ALK: variants seen among roughly 807,000 people sequenced by gnomAD.
ALK encodes the protein ALK tyrosine kinase receptor.
A neutral mutation model predicts 163.1 loss-of-function variants in ALK; 74 were observed. The observed-to-expected ratio is 0.45, with a 90% CI of 0.38 to 0.55. The LOEUF (loss-of-function observed/expected upper bound fraction) is 0.55. Among genes scored for constraint, ALK ranks in the 20% least tolerant of loss-of-function variants. ALK has a pLI of 0.00. For synonymous variants in ALK, 960 were observed against 843.2 expected (o/e 1.14, Z -2.40); for missense variants, 2,063 against 2,105.3 (o/e 0.98, Z 0.39).
chr2:29,197,549 C>G lies in ALK; in HGVS notation c.4066G>C (p.Gly1356Arg), dbSNP rs1669053710. The G allele has an allele frequency of 1.2e-6, 2 of 1,613,544 alleles. No homozygotes were observed. The highest frequency in any genetic ancestry group is 1.7e-6 in the Non-Finnish European group (2 of 1,180,024). Reference sequence around the variant, plus strand: ...TTCCTAAAAGAGTCATACACAGGCCCAGGGCAGTTCTTGGGTGGGTCCATC... The same window carrying G: ...TTCCTAAAAGAGTCATACACAGGCCGAGGGCAGTTCTTGGGTGGGTCCATC... Reference protein sequence around the residue: ...GRMDPPKNCPGPVYRIMTQCW... With the variant: ...GRMDPPKNCPRPVYRIMTQCW... Residue 1356 changes from glycine to arginine, a missense_variant, in exon 27 of 29, where the codon GGG becomes CGG. Physicochemically the swap from Gly to Arg is moderately radical, Grantham distance 125. Transcript: ENST00000389048.
chr2:29,609,752 T>C (rs972750161), intron 3 of ALK, among the ~76,000 whole-genome samples: 4 of 152,024 alleles, frequency 2.6e-5, no homozygotes, highest in Non-Finnish European at 4.4e-5. Context: ...CAAGCAATTC[T>C]CCCACCTCAG....
intron 2 of ALK, among the ~76,000 whole-genome samples, chr2:29,697,863 AG>A (rs1257811496): frequency 2.0e-5 from 3 of 152,230 alleles, no homozygotes; most frequent in Non-Finnish European, 2.9e-5. Flanking sequence ...GCAGATTCTA[AG>A]GCAGGCAGCC....
At chr2:29,440,029 C>A (rs995719965) in intron 4 of ALK, among the ~76,000 whole-genome samples, 1 of 151,756 alleles carries the variant, frequency 6.6e-6, no homozygotes, top group African/African-American at 2.4e-5. Flanking sequence ...ATCAGGAGTT[C>A]GAGACCAGCC....
At chr2:29,348,766 G>A (rs972150426) in intron 5 of ALK, among the ~76,000 whole-genome samples, 1 of 152,184 alleles carries the variant, frequency 6.6e-6, no homozygotes, top group Admixed American at 6.5e-5. Flanking sequence ...AGAACTGAAG[G>A]CAGCTCACAT....
intron 1 of ALK, among the ~76,000 whole-genome samples, chr2:29,884,357 G>A (rs1666938456): frequency 6.6e-6 from 1 of 152,138 alleles, no homozygotes; most frequent in African/African-American, 2.4e-5. Flanking sequence ...GCAGAGAAAA[G>A]TCATGACGTT....
At position 29,328,393 on chromosome 2, in the gene ALK, G is replaced by A. The variant is rs2148258267; in HGVS notation, c.1371C>T (p.Phe457=). 1 of 1,614,184 alleles carries A rather than the reference G, an allele frequency of 6.2e-7. No individual in the cohort carries two copies. The highest frequency in any genetic ancestry group is 8.5e-7 in the Non-Finnish European group (1 of 1,180,020). ...TVLQLGQACD[F]HQDCAQGEDE... ...CTTCTCCCTGGGCACAGTCCTGGTG[G>A]AAGTCACAGGCCTGCCCAAGCTGGA... Residue 457 remains phenylalanine (F), a synonymous_variant, in exon 6 of 29, where the codon TTC becomes TTT. Transcript: ENST00000389048.
chr2:29,352,928 T>C (rs1205992181), intron 5 of ALK, among the ~76,000 whole-genome samples: 2 of 152,238 alleles, frequency 1.3e-5, no homozygotes, highest in Non-Finnish European at 1.5e-5. Flanking sequence ...CAGGAGAAAC[T>C]AACTTCGGGA....
At chr2:29,372,650 AC>A (rs1360125662) in intron 5 of ALK, among the ~76,000 whole-genome samples, 1 of 152,192 alleles carries the variant, frequency 6.6e-6, no homozygotes, top group Non-Finnish European at 1.5e-5. Flanking sequence ...ATCTGGTACC[AC>A]AGGATGTAAT....
chr2:29,407,776 C>T (rs1489491280), intron 4 of ALK, among the ~76,000 whole-genome samples: 1 of 152,232 alleles, frequency 6.6e-6, no homozygotes, highest in Non-Finnish European at 1.5e-5. Context: ...GCTATGCCCT[C>T]TTCCTATGGA....
At chr2:29,727,296 A>G (rs748048369) in intron 1 of ALK, among the ~76,000 whole-genome samples, 2 of 152,152 alleles carry the variant, frequency 1.3e-5, no homozygotes, top group Non-Finnish European at 2.9e-5. Context: ...AGACCTTTCA[A>G]TCCCTCTTTA....
At chr2:29,695,670 A>T (rs1009729151) in intron 2 of ALK, among the ~76,000 whole-genome samples, 1 of 152,230 alleles carries the variant, frequency 6.6e-6, no homozygotes, top group African/African-American at 2.4e-5. Flanking sequence ...TTTACCAGAA[A>T]AAAAACAAAC....
At chr2:29,779,919 G>T (rs979002132) in intron 1 of ALK, among the ~76,000 whole-genome samples, 9 of 152,116 alleles carry the variant, frequency 5.9e-5, no homozygotes, top group African/African-American at 2.2e-4. Context: ...ATAGGCAAAG[G>T]GAACAAATGT....
At chr2:29,745,153 T>A (rs1265420524) in intron 1 of ALK, among the ~76,000 whole-genome samples, 1 of 152,236 alleles carries the variant, frequency 6.6e-6, no homozygotes, top group Non-Finnish European at 1.5e-5. Context: ...ATGGTTTGTA[T>A]GGCTATTTCA....
intron 1 of ALK, among the ~76,000 whole-genome samples, chr2:29,822,499 C>G (rs1196017763): frequency 6.6e-6 from 1 of 152,178 alleles, no homozygotes; most frequent in Admixed American, 6.5e-5. Context: ...GTTTTTGGCT[C>G]CTGGGCTGCC....
At chr2:29,778,815 C>G (rs1681251921) in intron 1 of ALK, among the ~76,000 whole-genome samples, 1 of 152,112 alleles carries the variant, frequency 6.6e-6, no homozygotes, top group Admixed American at 6.5e-5. Context: ...GCTGAACCCC[C>G]CGTGCGTCCT....
chr2:29,861,720 T>TA (rs1353827139), intron 1 of ALK, among the ~76,000 whole-genome samples: 3 of 152,178 alleles, frequency 2.0e-5, no homozygotes, highest in Admixed American at 1.3e-4. Context: ...GAGCTTATAC[T>TA]AATCCTTTTC....
intron 5 of ALK, among the ~76,000 whole-genome samples, chr2:29,340,799 A>G (rs1176290909): frequency 5.3e-5 from 8 of 152,208 alleles, no homozygotes; most frequent in Admixed American, 5.2e-4. Flanking sequence ...CTGAAACGTT[A>G]CCTTCTCAGC....
At chr2:29,358,078 G>T (rs1310705072) in intron 5 of ALK, among the ~76,000 whole-genome samples, 1 of 152,186 alleles carries the variant, frequency 6.6e-6, no homozygotes, top group Non-Finnish European at 1.5e-5. Flanking sequence ...GGAGACTCGA[G>T]CCCAGAACGT....
At chr2:29,763,035 C>T (rs1277760618) in intron 1 of ALK, among the ~76,000 whole-genome samples, 3 of 147,490 alleles carry the variant, frequency 2.0e-5, no homozygotes, top group Non-Finnish European at 3.0e-5. Context: ...TGCAGTGAGC[C>T]GAGATCGCGC....
Sources: allele counts gnomAD v4.1 joint callset (sites outside exome capture counted in the v4.1 genomes callset), GRCh38; gene constraint gnomAD v4.1.1; transcripts MANE v1.5; gene names NCBI Gene and HGNC (gene_info 2026-07-23, HGNC 2026-07-21).